PHGDH: variants seen among roughly 807,000 people sequenced by gnomAD.
PHGDH encodes D-3-phosphoglycerate dehydrogenase.
Under a neutral mutation model 52.6 loss-of-function variants are expected in PHGDH, and 50 were observed. That is an observed-to-expected ratio of 0.95 (90% CI 0.76 to 1.20). PHGDH has a LOEUF of 1.20. Among genes scored for constraint, PHGDH ranks in the 50% most tolerant of loss-of-function variants. The pLI, the probability that PHGDH is intolerant of heterozygous loss-of-function variation, is 0.00. For missense variants in PHGDH, 630 were observed against 684.6 expected (o/e 0.92, Z 0.89); for synonymous variants, 271 against 280.5 (o/e 0.97, Z 0.34).
At chr1:119,721,400 C>A in intron 2 of PHGDH, 79 bp downstream of exon 2, 1 of 1,430,748 alleles carries the variant, frequency 7.0e-7, no homozygotes, top group South Asian at 1.2e-5. Flanking sequence ...AGAAAAAACT[C>A]ACTTGAGAGA....
rs1652145040 is a variant in PHGDH, at chr1:119,740,460, G to T, written c.1020G>T (p.Gly340=). 6.2e-7 allele frequency: 1 copy of T among 1,610,976 alleles called. No homozygotes were observed. The highest frequency in any genetic ancestry group is 2.2e-5 in the East Asian group (1 of 44,742). ...GGATTGGTCTGGCAGAAGCTCTGGG[G>T]ACACTGATGCGAGCCTGGGCTGGGT... is the stretch of plus-strand genomic sequence containing the variant. The part of the protein sequence containing the change: ...KPWIGLAEAL[G]TLMRAWAGSP... Residue 340 remains glycine, a synonymous_variant, in exon 9 of 12, where the codon GGG becomes GGT. Transcript: ENST00000641023.
At chr1:119,716,438 CT>C (rs1650940901) in intron 1 of PHGDH, among the ~76,000 whole-genome samples, 2 of 152,158 alleles carry the variant, frequency 1.3e-5, no homozygotes, top group South Asian at 4.1e-4. Context: ...AATGGGTGGA[CT>C]TTGGGGAGTC....
chr1:119,742,224 T>TC, intron 10 of PHGDH: 1 of 415,024 alleles, frequency 2.4e-6, no homozygotes, highest in East Asian at 5.4e-5. Flanking sequence ...TCTGCCTAAC[T>TC]CCCCTCAGGG....
At chr1:119,741,259 T>G (rs1245847751) in intron 9 of PHGDH, among the ~76,000 whole-genome samples, 1 of 152,122 alleles carries the variant, frequency 6.6e-6, no homozygotes, top group Non-Finnish European at 1.5e-5. Flanking sequence ...AGAGGGCAGC[T>G]AAACCCTAGG....
intron 8 of PHGDH, among the ~76,000 whole-genome samples, chr1:119,739,141 G>T (rs587604293): frequency 1.3e-5 from 2 of 152,292 alleles, no homozygotes; most frequent in South Asian, 4.1e-4. Flanking sequence ...ACTCCTCCCT[G>T]GAATTCTCCC....
intron 1 of PHGDH, among the ~76,000 whole-genome samples, chr1:119,716,742 G>A (rs1458769062): frequency 6.6e-6 from 1 of 152,116 alleles, no homozygotes; most frequent in Non-Finnish European, 1.5e-5. Context: ...TTGAAAGGAG[G>A]TTGTGTTTCC....
At position 119,723,668 on chromosome 1, in the gene PHGDH, A is replaced by G. The variant is rs78472998; in HGVS notation, c.356+227A>G. 4.9e-3 allele frequency among the ~76,000 whole-genome samples: 745 copies of G among 151,856 alleles called. 5 individuals are homozygous for G. The highest frequency in any genetic ancestry group is 0.017 in the African/African-American group (710 of 41,442). On this transcript the variant is annotated intron_variant, in intron 3 of 11. Transcript: ENST00000641023. ...CACAAAGGTGCACTTCTCTTTACTC[A>G]TGTTCTATTCTCCATGCTGCAGACA...
intron 1 of PHGDH, among the ~76,000 whole-genome samples, chr1:119,716,667 TCTC>T (rs1464223604): frequency 1.3e-5 from 2 of 152,070 alleles, no homozygotes; most frequent in Non-Finnish European, 1.5e-5. Flanking sequence ...GGTGGTCCCT[TCTC>T]CTCTTGCTCC....
chr1:119,730,656 T>A (rs78371255), intron 5 of PHGDH, among the ~76,000 whole-genome samples: 8,612 of 152,278 alleles, frequency 0.057, 793 homozygotes, highest in African/African-American at 0.2. Flanking sequence ...ATAAATTGCT[T>A]TTTATTTGGC....
chr1:119,712,787 G>GC (rs1650757353), intron 1 of PHGDH, among the ~76,000 whole-genome samples: 1 of 152,172 alleles, frequency 6.6e-6, no homozygotes, highest in Admixed American at 6.5e-5. Flanking sequence ...ACACGTACCC[G>GC]CCCCTCGTCT....
At chr1:119,719,061 G>A (rs1184858429) in intron 1 of PHGDH, among the ~76,000 whole-genome samples, 2 of 152,198 alleles carry the variant, frequency 1.3e-5, no homozygotes, top group Non-Finnish European at 2.9e-5. Flanking sequence ...GGACTTGAAT[G>A]TGGAAAAGAT....
intron 3 of PHGDH, 37 bp downstream of exon 3, chr1:119,723,478 G>C (rs775266648): frequency 2.1e-5 from 32 of 1,493,656 alleles, no homozygotes; most frequent in Admixed American, 1.7e-4. Flanking sequence ...TAGTCTCTCC[G>C]ATATGCCAAT....
At position 119,734,688 on chromosome 1, in the gene PHGDH, C is replaced by T; in HGVS notation, c.565C>T (p.Gln189Ter). ...SPEVSASFGV[Q>*]QLPLEEIWPL... ...AGAGGTCTCGGCCTCCTTTGGTGTT[C>T]AGCAGCTGCCCCTGGAGGAGATCTG... Residue 189 changes from glutamine to a stop codon, truncating the protein, a stop_gained, in exon 6 of 12, where the codon CAG (glutamine) becomes TAG (stop). Transcript: ENST00000641023. LOFTEE classifies it high-confidence loss of function. 1.2e-6 allele frequency: 2 copies of T among 1,614,064 alleles called. No individual in the cohort carries two copies. Among genetic ancestry groups the T allele is most frequent in the Non-Finnish European group, 1.7e-6 (2 of 1,179,896 alleles).
At chr1:119,731,751 G>T (rs1651703567) in intron 5 of PHGDH, among the ~76,000 whole-genome samples, 1 of 152,168 alleles carries the variant, frequency 6.6e-6, no homozygotes, top group South Asian at 2.1e-4. Flanking sequence ...GGCATTCTTT[G>T]CCCAGTACCA....
chr1:119,733,572 A>C (rs113283373), intron 5 of PHGDH, among the ~76,000 whole-genome samples: 2,887 of 151,662 alleles, frequency 0.019, 109 homozygotes, highest in African/African-American at 0.067. Context: ...CTGGGGTCAA[A>C]TGATCCTCCT....
At chr1:119,718,728 C>A (rs1651030975) in intron 1 of PHGDH, among the ~76,000 whole-genome samples, 1 of 152,274 alleles carries the variant, frequency 6.6e-6, no homozygotes, top group South Asian at 2.1e-4. Context: ...GCCTAGTACC[C>A]AGCAGGTGCT....
Position 119,734,667 on chromosome 1 carries a change from G to A in PHGDH, c.544G>A (p.Val182Ile). ...GTATGACCCCATCATTTCCCCAGAG[G>A]TCTCGGCCTCCTTTGGTGTTCAGCA... ...IGYDPIISPE[V>I]SASFGVQQLP... Residue 182 changes from valine to isoleucine, a missense_variant, in exon 6 of 12, where the codon GTC becomes ATC. Physicochemically the swap from Val to Ile is conservative, Grantham distance 29. Transcript: ENST00000641023. 1 of 1,614,118 alleles carries A rather than the reference G, an allele frequency of 6.2e-7. No homozygotes were observed. Among genetic ancestry groups the A allele is most frequent in the Non-Finnish European group, 8.5e-7 (1 of 1,179,990 alleles).
chr1:119,723,268 T>C, intron 2 of PHGDH, 108 bp from the exon 3 acceptor site: 1 of 892,782 alleles, frequency 1.1e-6, no homozygotes, highest in South Asian at 1.3e-5. Flanking sequence ...GGTCAGTTCA[T>C]GGAGCAGGAG....
chr1:119,721,432 C>A, intron 2 of PHGDH, 111 bp downstream of exon 2: 2 of 1,085,798 alleles, frequency 1.8e-6, no homozygotes, highest in Non-Finnish European at 1.3e-6. Flanking sequence ...ATTGGAAGGG[C>A]TTCCAGGAGG....
Sources: gnomAD v4.1 joint callset for allele counts (sites outside exome capture counted in the v4.1 genomes callset) on GRCh38, gnomAD v4.1.1 for gene constraint, MANE v1.5 for transcripts, NCBI Gene and HGNC (gene_info 2026-07-23, HGNC 2026-07-21) for gene names.